Variants in DNER observed in about 807,000 individuals in gnomAD.
DNER encodes the protein delta/notch like EGF repeat containing, also known as delta and Notch-like epidermal growth factor-related receptor.
Under a neutral mutation model 78.2 loss-of-function variants are expected in DNER, and 33 were observed. The observed-to-expected ratio is 0.42, with a 90% CI of 0.32 to 0.56. DNER has a LOEUF of 0.56. DNER is among the 20% of genes least tolerant of loss of function. DNER has a pLI of 0.11. For synonymous variants in DNER, 417 were observed against 384.8 expected (o/e 1.08, Z -0.98); for missense variants, 918 against 975.3 (o/e 0.94, Z 0.78).
At chr2:229,442,958 A>G (rs976208027) in intron 8 of DNER, among the ~76,000 whole-genome samples, 1 of 152,212 alleles carries the variant, frequency 6.6e-6, no homozygotes, top group Admixed American at 6.5e-5. Flanking sequence ...ACAGCCTATT[A>G]TATATCTGGA....
At chr2:229,460,546 C>A (rs1694674194) in intron 7 of DNER, among the ~76,000 whole-genome samples, 1 of 151,870 alleles carries the variant, frequency 6.6e-6, no homozygotes, top group East Asian at 1.9e-4. Flanking sequence ...CACAAGGCAA[C>A]CAGTTCTTAC....
chr2:229,480,645 G>T (rs1178056189), intron 6 of DNER, among the ~76,000 whole-genome samples: 1 of 152,152 alleles, frequency 6.6e-6, no homozygotes. Context: ...TGTCATAACA[G>T]CTTCGGGACC....
At chr2:229,670,326 A>G (rs1699186248) in intron 1 of DNER, among the ~76,000 whole-genome samples, 1 of 152,156 alleles carries the variant, frequency 6.6e-6, no homozygotes. Flanking sequence ...CCTTCTCACA[A>G]TTGCACCTGT....
At chr2:229,625,410 T>TC (rs945844013) in intron 1 of DNER, among the ~76,000 whole-genome samples, 2 of 151,720 alleles carry the variant, frequency 1.3e-5, no homozygotes, top group Non-Finnish European at 1.5e-5. Flanking sequence ...TACTGACACC[T>TC]CCCCCATCAA....
chr2:229,471,244 A>C (rs1694919512), intron 7 of DNER, among the ~76,000 whole-genome samples: 1 of 152,172 alleles, frequency 6.6e-6, no homozygotes. Context: ...GATAACTTTT[A>C]TGACATGTGT....
At chr2:229,703,081 A>G (rs1367297078) in intron 1 of DNER, among the ~76,000 whole-genome samples, 2 of 152,110 alleles carry the variant, frequency 1.3e-5, no homozygotes, top group Non-Finnish European at 1.5e-5. Context: ...TAGAGTAACC[A>G]AAATAATTTT....
intron 6 of DNER, among the ~76,000 whole-genome samples, chr2:229,499,216 C>A (rs532787463): frequency 6.6e-6 from 1 of 151,928 alleles, no homozygotes; most frequent in Admixed American, 6.6e-5. Context: ...GAGGCCGAGG[C>A]GGGCAGATCA....
intron 11 of DNER, among the ~76,000 whole-genome samples, chr2:229,379,440 G>A (rs917259746): frequency 1.3e-5 from 2 of 152,078 alleles, no homozygotes; most frequent in Non-Finnish European, 2.9e-5. Flanking sequence ...TGAATCTGAA[G>A]TCGACTTTGA....
chr2:229,698,041 A>T (rs1452534057), intron 1 of DNER, among the ~76,000 whole-genome samples: 1 of 152,112 alleles, frequency 6.6e-6, no homozygotes. Flanking sequence ...GTATCTACAA[A>T]AATAAAAAAT....
At chr2:229,603,999 G>A (rs12619180) in intron 1 of DNER, among the ~76,000 whole-genome samples, 78,478 of 151,796 alleles carry the variant, frequency 0.52, 20,754 homozygotes, top group Non-Finnish European at 0.59. Context: ...CTCCAGCACC[G>A]CGGCCACATG....
intron 4 of DNER, among the ~76,000 whole-genome samples, chr2:229,575,506 T>C (rs549172700): frequency 1.3e-5 from 2 of 152,288 alleles, no homozygotes; most frequent in South Asian, 2.1e-4. Flanking sequence ...GCTGAGAGCA[T>C]TGTGAAAGAG....
At chr2:229,385,192 T>C (rs1692837113) in intron 11 of DNER, among the ~76,000 whole-genome samples, 1 of 149,948 alleles carries the variant, frequency 6.7e-6, no homozygotes, top group African/African-American at 2.5e-5. Context: ...ATAAATGCAA[T>C]CCATCACTTA....
intron 5 of DNER, 66 bp from the exon 6 acceptor site, chr2:229,513,002 G>A: frequency 6.6e-7 from 1 of 1,514,176 alleles, no homozygotes; most frequent in Non-Finnish European, 8.9e-7. Flanking sequence ...TTGGCTGTGA[G>A]ACTCAAAGTT....
Position 229,418,188 on chromosome 2 carries a change from A to C in DNER, c.1529T>G (p.Leu510Arg). The change falls in exon 9 of 13, where the codon CTC (leucine) becomes CGC (arginine). Residue 510 changes from leucine (L) to arginine (R), a missense_variant. By Grantham distance (102) the Leu-to-Arg change is moderately radical (BLOSUM62 -2). Transcript: ENST00000341772. ...GGCTGCATTCAGGCATGGAGCGGAGAGGCACTCATTATATTCCTCCTCACA... is the reference window on the plus strand; with the variant it reads ...GGCTGCATTCAGGCATGGAGCGGAGCGGCACTCATTATATTCCTCCTCACA... Reference protein sequence around the residue: ...LYCEEEYNECLSAPCLNAATC... With the variant: ...LYCEEEYNECRSAPCLNAATC... 5 of 1,614,100 alleles carry C rather than the reference A, an allele frequency of 3.1e-6. No individual in the cohort carries two copies. The highest frequency in any genetic ancestry group is 4.2e-6 in the Non-Finnish European group (5 of 1,179,996).
chr2:229,648,598 G>T (rs142568846), intron 1 of DNER, among the ~76,000 whole-genome samples: 86 of 152,284 alleles, frequency 5.6e-4, no homozygotes, highest in African/African-American at 2.0e-3. Context: ...TCACCCCAGA[G>T]ATGTCAAATG....
intron 6 of DNER, among the ~76,000 whole-genome samples, chr2:229,497,758 A>G (rs761485189): frequency 1.3e-5 from 2 of 152,164 alleles, no homozygotes. Context: ...TCAAGACTGA[A>G]TCATGAAGAA....
chr2:229,514,153 T>C (rs566397974), intron 5 of DNER, among the ~76,000 whole-genome samples: 1 of 152,310 alleles, frequency 6.6e-6, no homozygotes, highest in African/African-American at 2.4e-5. Flanking sequence ...TAATGAAATA[T>C]CTTCTTCATC....
intron 7 of DNER, among the ~76,000 whole-genome samples, chr2:229,468,399 T>G (rs1218305984): frequency 6.6e-6 from 1 of 152,118 alleles, no homozygotes; most frequent in East Asian, 1.9e-4. Flanking sequence ...ATCACTATTG[T>G]AAAACCTAAC....
At chr2:229,461,270 T>C (rs1015329130) in intron 7 of DNER, among the ~76,000 whole-genome samples, 1 of 152,118 alleles carries the variant, frequency 6.6e-6, no homozygotes, top group Admixed American at 6.5e-5. Flanking sequence ...CCTCTCTGCA[T>C]TGTCCTGTTC....
Sources: allele counts gnomAD v4.1 joint callset (sites outside exome capture counted in the v4.1 genomes callset), GRCh38; gene constraint gnomAD v4.1.1; transcripts MANE v1.5; gene names NCBI Gene and HGNC (gene_info 2026-07-23, HGNC 2026-07-21).